ZNF717: variants seen among roughly 807,000 people sequenced by gnomAD.
ZNF717 encodes krueppel-like factor X17.
A neutral mutation model predicts 13.8 loss-of-function variants in ZNF717; 9 were observed. That is an observed-to-expected ratio of 0.65 (90% CI 0.39 to 1.14). The LOEUF (loss-of-function observed/expected upper bound fraction) is 1.14. ZNF717 is among the 50% of genes most tolerant of loss of function. The pLI is 0.01. For synonymous variants in ZNF717, 327 were observed against 364.1 expected (o/e 0.90, Z 1.16); for missense variants, 1,040 against 1,080.7 (o/e 0.96, Z 0.53).
At chr3:75,746,786 T>C (rs1356533931) in intron 2 of ZNF717, among the ~76,000 whole-genome samples, 1 of 152,184 alleles carries the variant, frequency 6.6e-6, no homozygotes, top group East Asian at 1.9e-4. Flanking sequence ...GTCAGATGAG[T>C]AGATTGTAAA....
chr3:75,758,662 T>C (rs11128487), intron 2 of ZNF717, among the ~76,000 whole-genome samples: 39,297 of 151,660 alleles, frequency 0.26, 5,400 homozygotes, highest in African/African-American at 0.38. Flanking sequence ...TTGCCACAGC[T>C]ACCCCAACCC....
chr3:75,738,148 G>T lies in ZNF717; in HGVS notation c.1475C>A (p.Ser492Ter), dbSNP rs760644578. 49 of 1,390,852 alleles carry T rather than the reference G, an allele frequency of 3.5e-5. No homozygotes were observed. In the South Asian group the frequency reaches 4.9e-4, roughly 14 times the overall value. 86.2% of individuals were successfully genotyped at this position (1,390,852 alleles called of 1,614,324 possible). Residue 492 changes from serine (S) to a stop codon, truncating the protein, a stop_gained, in exon 5 of 5, where the codon TCA becomes TAA. Transcript: ENST00000652011. LOFTEE classifies it low-confidence loss of function (END_TRUNC). ...NECGKTFHRK[S>*]FLTIHQWTHT... ...AGTCCATTGATGGATAGTGAGGAAT[G>T]ACTTACGGTGAAACGTTTTCCCACA...
rs1379246915 is a variant in ZNF717 at position 75,738,464 on chromosome 3, T to C, written c.1159A>G (p.Arg387Gly). Reference sequence around the variant, plus strand: ...TAGGGCTTTTCCCCTGAGTGAGTTCTGTGATGTAAAGTGAGAAGTGACTTA... The same window carrying C: ...TAGGGCTTTTCCCCTGAGTGAGTTCCGTGATGTAAAGTGAGAAGTGACTTA... Reference protein sequence around the residue: ...HCKSLLTLHHRTHSGEKPYQC... With the variant: ...HCKSLLTLHHGTHSGEKPYQC... The change falls in exon 5 of 5, where the codon AGA becomes GGA. Residue 387 changes from arginine (R) to glycine (G), a missense_variant. Transcript: ENST00000652011. 2 of 1,532,210 alleles carry C rather than the reference T, an allele frequency of 1.3e-6. No individual in the cohort carries two copies. Among genetic ancestry groups the C allele is most frequent in the African/African-American group, 2.8e-5 (2 of 72,578 alleles). 94.9% of individuals were successfully genotyped at this position (1,532,210 alleles called of 1,614,324 possible).
chr3:75,746,621 T>C (rs952160173), intron 2 of ZNF717, among the ~76,000 whole-genome samples: 6 of 152,218 alleles, frequency 3.9e-5, no homozygotes, highest in Non-Finnish European at 8.8e-5. Context: ...TTTGCATTTC[T>C]CTGATGGCCA....
intron 2 of ZNF717, among the ~76,000 whole-genome samples, chr3:75,772,970 G>C (rs145524123): frequency 1.2e-3 from 180 of 152,330 alleles, no homozygotes; most frequent in African/African-American, 4.0e-3. Flanking sequence ...GTTCCAAATA[G>C]GCTTTAGAAG....
intron 2 of ZNF717, among the ~76,000 whole-genome samples, chr3:75,772,856 C>T (rs111954518): frequency 1.3e-5 from 2 of 152,256 alleles, no homozygotes; most frequent in Admixed American, 6.5e-5. Flanking sequence ...AACACTTGTG[C>T]CCTTTGACCT....
chr3:75,780,006 A>G (rs1383898651), intron 2 of ZNF717, among the ~76,000 whole-genome samples: 1 of 151,548 alleles, frequency 6.6e-6, no homozygotes, highest in African/African-American at 2.4e-5. Flanking sequence ...TAAAACCAGA[A>G]CCCAAAACAA....
In ZNF717 at chr3:75,741,711, GC is replaced by G; in HGVS notation, c.82del (p.Ala28LeufsTer23). 1 of 1,587,892 alleles carries G rather than the reference GC, an allele frequency of 6.3e-7. No homozygotes were observed. The highest frequency in any genetic ancestry group is 8.6e-7 in the Non-Finnish European group (1 of 1,166,526). On this transcript the variant is annotated frameshift_variant, in exon 3 of 5. Transcript: ENST00000652011. LOFTEE classifies it high-confidence loss of function. Reference protein sequence around the residue: ...SLELVSFEEVAVHFTWEEWQD... With the variant: ...SLELVSFEEVXVHFTWEEWQD... ...CCACTCCTCCCAGGTGAAGTGCACA[GC>G]TACCTCCTCAAAGGACACCAACTCC...
intron 2 of ZNF717, among the ~76,000 whole-genome samples, chr3:75,765,025 A>ATATG (rs1553680611): frequency 9.5e-4 from 58 of 61,358 alleles, no homozygotes; most frequent in Non-Finnish European, 1.7e-3. Flanking sequence ...ATATATATAT[A>ATATG]TATATGTATA....
chr3:75,729,592 G>A (rs1938395743), downstream of ZNF717, among the ~76,000 whole-genome samples: 1 of 142,532 alleles, frequency 7.0e-6, no homozygotes, highest in Non-Finnish European at 1.5e-5. Flanking sequence ...TCCAGCCTGG[G>A]TGACAATAGC....
chr3:75,760,698 C>T (rs6549785), intron 2 of ZNF717, among the ~76,000 whole-genome samples: 3,294 of 151,414 alleles, frequency 0.022, 94 homozygotes, highest in African/African-American at 0.074. Context: ...GCTGCAGGTG[C>T]TTAAATTAAA....
intron 2 of ZNF717, among the ~76,000 whole-genome samples, chr3:75,775,516 C>G (rs1944241455): frequency 6.6e-6 from 1 of 152,124 alleles, no homozygotes; most frequent in East Asian, 1.9e-4. Context: ...GGTAAATATT[C>G]CCCATAAGTT....
At chr3:75,708,028 G>T (rs1178317622), downstream of ZNF717, among the ~76,000 whole-genome samples, 1 of 152,074 alleles carries the variant, frequency 6.6e-6, no homozygotes, top group Admixed American at 6.5e-5. Context: ...TGGGGGCAGG[G>T]CACAGACAAA....
chr3:75,758,753 CCT>C (rs773619336), intron 2 of ZNF717, among the ~76,000 whole-genome samples: 2 of 152,186 alleles, frequency 1.3e-5, no homozygotes, highest in African/African-American at 4.8e-5. Context: ...GTGGTTCACC[CCT>C]GTCATCCCAA....
chr3:75,744,847 G>C (rs1940964722), intron 2 of ZNF717, among the ~76,000 whole-genome samples: 2 of 152,196 alleles, frequency 1.3e-5, no homozygotes, highest in Non-Finnish European at 2.9e-5. Context: ...AGCCTAATCT[G>C]CTCTAGTATA....
intron 2 of ZNF717, among the ~76,000 whole-genome samples, chr3:75,776,350 G>T (rs1002943370): frequency 2.0e-5 from 3 of 152,230 alleles, no homozygotes; most frequent in Non-Finnish European, 4.4e-5. Context: ...AGGTACATTT[G>T]GTTACCTGAT....
In ZNF717 at chr3:75,785,357, GC is replaced by G. The variant is rs577168484; in HGVS notation, c.-3+26del. On this transcript the variant is annotated intron_variant, in intron 1 of 4. Coordinates refer to ENST00000652011, the MANE Select transcript of ZNF717 (RefSeq NM_001290208.3). ...CCGGGACCCCACGCCTGTCCTCCCA[GC>G]CCCCGCCAGGGTCCGCGGCCTGCAC... The G allele has an allele frequency of 3.7e-3, 572 of 154,098 alleles. 1 individual carries two copies. The highest frequency in any genetic ancestry group is 6.0e-3 in the South Asian group (29 of 4,868). The allele number at this position is 154,098 out of a possible 1,614,324, so 9.5% of individuals were successfully genotyped here. A position where few individuals can be genotyped will look rare whatever the true frequency, so the allele number is the denominator to read the frequency against.
chr3:75,764,990 G>GATATATATATATATATAT (rs71101852), intron 2 of ZNF717, among the ~76,000 whole-genome samples: 166 of 102,242 alleles, frequency 1.6e-3, no homozygotes, highest in South Asian at 2.6e-3. Context: ...TAAACAAAAG[G>GATATATATATATATATAT]ATATATATAT....
At chr3:75,774,692 C>T (rs1232897041) in intron 2 of ZNF717, among the ~76,000 whole-genome samples, 2 of 143,738 alleles carry the variant, frequency 1.4e-5, no homozygotes, top group Middle Eastern at 3.9e-3. Flanking sequence ...GCGATCTCGG[C>T]TCACTGCAAG....
Sources: allele counts gnomAD v4.1 joint callset (sites outside exome capture counted in the v4.1 genomes callset), GRCh38; gene constraint gnomAD v4.1.1; transcripts MANE v1.5; gene names NCBI Gene and HGNC (gene_info 2026-07-23, HGNC 2026-07-21).